The following NCOA3 variants were observed in gnomAD, a reference collection of about 807,000 sequenced individuals.
NCOA3 encodes CBP-interacting protein.
In NCOA3, 51 loss-of-function variants were observed where a neutral mutation model predicts 158.8. The observed-to-expected ratio is 0.32, with a 90% CI of 0.26 to 0.41. The LOEUF (loss-of-function observed/expected upper bound fraction) is 0.41. Ranked by LOEUF, NCOA3 falls within the 10% of genes least tolerant of loss-of-function variation. The pLI is 1.00. For synonymous variants in NCOA3, 537 were observed against 592.4 expected, an observed-to-expected ratio of 0.91 and a Z score of 1.36; for missense variants, 1,510 against 1,746.6, an observed-to-expected ratio of 0.86 and a Z score of 2.41.
At chr20:47,585,029 T>G (rs2085512942) in intron 2 of NCOA3, among the ~76,000 whole-genome samples, 1 of 149,530 alleles carries the variant, frequency 6.7e-6, no homozygotes. Flanking sequence ...TAACATTTCA[T>G]CTAACCCCTT....
chr20:47,590,504 A>G (rs2085612688), intron 2 of NCOA3, among the ~76,000 whole-genome samples: 1 of 152,172 alleles, frequency 6.6e-6, no homozygotes, highest in Non-Finnish European at 1.5e-5. Context: ...ATTTTCCTAC[A>G]AAAGCATAAT....
chr20:47,625,436 G>T lies in NCOA3; in HGVS notation c.312G>T (p.Gly104=). The T allele has an allele frequency of 6.2e-7, 1 of 1,613,748 alleles. No homozygotes were observed. The highest frequency in any genetic ancestry group is 1.1e-5 in the South Asian group (1 of 91,080). Residue 104 remains glycine (G), a synonymous_variant, in exon 5 of 23, where the codon GGG becomes GGT. Coordinates refer to ENST00000371998, the MANE Select transcript of NCOA3 (RefSeq NM_181659.3). The part of the protein sequence containing the change: ...DVQKADVSST[G]QGVIDKDSLG... The stretch of plus-strand genomic sequence containing the variant: ...AAAAAGCCGATGTATCTTCTACAGG[G>T]CAGGGAGTTATTGATAAAGACTCCT...
intron 1 of NCOA3, among the ~76,000 whole-genome samples, chr20:47,543,155 G>A (rs539952248): frequency 6.6e-6 from 1 of 152,274 alleles, no homozygotes; most frequent in East Asian, 1.9e-4. Flanking sequence ...GACCATTGGT[G>A]GGAGGTCTCA....
intron 1 of NCOA3, among the ~76,000 whole-genome samples, chr20:47,560,240 C>T (rs545105707): frequency 4.3e-4 from 65 of 152,182 alleles, no homozygotes; most frequent in African/African-American, 1.4e-3. Context: ...CTATCATGGC[C>T]GGCTTTTTGT....
In NCOA3 at chr20:47,578,712, T is replaced by C. The variant is rs115992803; in HGVS notation, c.-98-4471T>C. Reference sequence around the variant, plus strand: ...TTGCAGCCTTTAACCTGAAATTCATTTGGTGACCCAGTCTACTCTGTAGTA... The same window carrying C: ...TTGCAGCCTTTAACCTGAAATTCATCTGGTGACCCAGTCTACTCTGTAGTA... On this transcript the variant is annotated intron_variant, in intron 1 of 22. Transcript: ENST00000371998. 7.9e-3 allele frequency among the ~76,000 whole-genome samples: 1,205 copies of C among 152,320 alleles called. 17 individuals carry two copies. The highest frequency in any genetic ancestry group is 0.026 in the African/African-American group (1,076 of 41,578).
chr20:47,642,144 G>T, intron 16 of NCOA3, 69 bp from the exon 17 acceptor site: 5 of 1,157,532 alleles, frequency 4.3e-6, no homozygotes, highest in South Asian at 1.6e-5. Flanking sequence ...ACTATGCATG[G>T]TTGCTGTGAT....
At chr20:47,641,157 A>G (rs2780389) in intron 16 of NCOA3, among the ~76,000 whole-genome samples, 10,345 of 152,144 alleles carry the variant, frequency 0.068, 454 homozygotes, top group Non-Finnish European at 0.097. Flanking sequence ...TTTCTGAGGC[A>G]GGATAAATGT....
chr20:47,600,386 G>A (rs1215628593), intron 2 of NCOA3, among the ~76,000 whole-genome samples: 2 of 151,892 alleles, frequency 1.3e-5, no homozygotes, highest in African/African-American at 4.8e-5. Flanking sequence ...ATGTTGGCCA[G>A]ACTGGTCTCG....
intron 2 of NCOA3, among the ~76,000 whole-genome samples, chr20:47,614,107 C>T (rs2086093336): frequency 6.6e-6 from 1 of 151,978 alleles, no homozygotes; most frequent in Non-Finnish European, 1.5e-5. Flanking sequence ...GTCCTTTACA[C>T]ACGTTATATT....
chr20:47,554,374 C>T (rs2084969432), intron 1 of NCOA3, among the ~76,000 whole-genome samples: 1 of 151,956 alleles, frequency 6.6e-6, no homozygotes, highest in Admixed American at 6.6e-5. Flanking sequence ...ATGGTGGTTT[C>T]TTTTGCTGTG....
chr20:47,523,936 A>G (rs1432011465), intron 1 of NCOA3, among the ~76,000 whole-genome samples: 1 of 152,244 alleles, frequency 6.6e-6, no homozygotes, highest in Admixed American at 6.5e-5. Context: ...TTCATAGCCC[A>G]TGCTAAAGCA....
At chr20:47,514,140 CTTT>C (rs892336155) in intron 1 of NCOA3, among the ~76,000 whole-genome samples, 8 of 151,280 alleles carry the variant, frequency 5.3e-5, no homozygotes, top group African/African-American at 1.9e-4. Context: ...TTGCAACTCT[CTTT>C]AAGTCAACAT....
rs748921332 is a variant in NCOA3 at position 47,624,123 on chromosome 20, C to A, written c.256+40C>A. On this transcript the variant is annotated intron_variant, in intron 4 of 22. Coordinates refer to ENST00000371998, the MANE Select transcript of NCOA3 (RefSeq NM_181659.3). ...CATGTCTTTTTGAACAGTGGTGGTTCCCAACCTTTTTGGCACCAGGGACTG... is the reference window on the plus strand; with the variant it reads ...CATGTCTTTTTGAACAGTGGTGGTTACCAACCTTTTTGGCACCAGGGACTG... The A allele has an allele frequency of 2.6e-6, 4 of 1,545,572 alleles. No individual in the cohort carries two copies. In the Admixed American group the frequency reaches 6.0e-5, roughly 23 times the overall value.
At chr20:47,538,549 C>CT (rs112676607) in intron 1 of NCOA3, among the ~76,000 whole-genome samples, 182 of 146,542 alleles carry the variant, frequency 1.2e-3, no homozygotes, top group Middle Eastern at 6.9e-3. Context: ...TATTACTATT[C>CT]TTTTTTTTTT....
rs746821647 is a variant in NCOA3 at position 47,647,213 on chromosome 20, A to G, written c.3393A>G (p.Gln1131=). 5 of 1,614,068 alleles carry G rather than the reference A, an allele frequency of 3.1e-6. No homozygotes were observed. The highest frequency in any genetic ancestry group is 3.3e-5 in the Admixed American group (2 of 60,002). Residue 1131 remains glutamine (Q), a synonymous_variant, in exon 18 of 23, where the codon CAA becomes CAG. Transcript: ENST00000371998. ...PMQGGFHLQG[Q]SPSFNSMMNQ... ...AAGGAGGCTTTCATCTTCAGGGACAATCACCATCTTTTAACTCTATGATGA... is the reference window on the plus strand; with the variant it reads ...AAGGAGGCTTTCATCTTCAGGGACAGTCACCATCTTTTAACTCTATGATGA...
intron 1 of NCOA3, among the ~76,000 whole-genome samples, chr20:47,579,114 TTTTAGG>T (rs1429387132): frequency 6.6e-6 from 1 of 152,202 alleles, no homozygotes; most frequent in Non-Finnish European, 1.5e-5. Flanking sequence ...CCTCACGTCC[TTTTAGG>T]TCTCTGGTGA....
At position 47,633,632 on chromosome 20, in the gene NCOA3, A is replaced by G; in HGVS notation, c.960A>G (p.Gln320=). ...GQSWSQKRHY[Q]EAYLNGHAET... is the part of the protein sequence containing the mutation. ...CATGGTCCCAGAAACGTCACTATCAAGAAGGTAAAGAATTTTGGGGTTGAT... is the reference window on the plus strand; with the variant it reads ...CATGGTCCCAGAAACGTCACTATCAGGAAGGTAAAGAATTTTGGGGTTGAT... The change falls in exon 9 of 23, where the codon CAA becomes CAG. Residue 320 remains glutamine, a synonymous_variant. Transcript: ENST00000371998. 6.2e-7 allele frequency: 1 copy of G among 1,609,308 alleles called. No homozygotes were observed. Among genetic ancestry groups the G allele is most frequent in the Non-Finnish European group, 8.5e-7 (1 of 1,178,822 alleles).
intron 1 of NCOA3, among the ~76,000 whole-genome samples, chr20:47,561,919 C>T (rs895911370): frequency 2.6e-5 from 4 of 152,122 alleles, no homozygotes; most frequent in Non-Finnish European, 5.9e-5. Flanking sequence ...CCTATTCATC[C>T]CCTCCTTCCC....
intron 2 of NCOA3, among the ~76,000 whole-genome samples, chr20:47,583,713 T>G (rs1018424807): frequency 2.6e-5 from 4 of 152,248 alleles, no homozygotes; most frequent in Non-Finnish European, 5.9e-5. Context: ...CCTAGCACTT[T>G]GAGAGGCTGA....
Sources: allele counts gnomAD v4.1 joint callset (sites outside exome capture counted in the v4.1 genomes callset), GRCh38; gene constraint gnomAD v4.1.1; transcripts MANE v1.5; gene names NCBI Gene and HGNC (gene_info 2026-07-23, HGNC 2026-07-21).